Variants in ABCA13 observed in about 807,000 individuals in gnomAD.
The protein encoded by ABCA13 is ATP binding cassette subfamily A member 13.
Under a neutral mutation model 478.7 loss-of-function variants are expected in ABCA13, and 476 were observed. The observed-to-expected ratio is 0.99, with a 90% CI of 0.92 to 1.07. The LOEUF is 1.07. Ranked by LOEUF, ABCA13 falls within the 50% of genes least tolerant of loss-of-function variation. The pLI is 0.00. For missense variants in ABCA13, 6,060 were observed against 5,910.6 expected (o/e 1.03, Z -0.83); for synonymous variants, 2,252 against 2,158.9 (o/e 1.04, Z -1.20).
intron 27 of ABCA13, among the ~76,000 whole-genome samples, chr7:48,325,068 T>A (rs1372485684): frequency 1.3e-5 from 2 of 152,220 alleles, no homozygotes; most frequent in Non-Finnish European, 2.9e-5. Context: ...TTTTTTACTC[T>A]GACAATAGTT....
intron 3 of ABCA13, among the ~76,000 whole-genome samples, chr7:48,206,392 C>CTA (rs1395678121): frequency 6.6e-6 from 1 of 152,188 alleles, no homozygotes; most frequent in Non-Finnish European, 1.5e-5. Context: ...GAGCAATAGG[C>CTA]TACACCACAT....
At chr7:48,645,381 C>T in intron 61 of ABCA13, 36 bp from the exon 62 acceptor site, 1 of 1,503,340 alleles carries the variant, frequency 6.7e-7, no homozygotes, top group Non-Finnish European at 9.1e-7. Flanking sequence ...GGGTTGTATT[C>T]TTATAAGTAA....
chr7:48,572,252 A>G (rs1424402301), intron 55 of ABCA13, among the ~76,000 whole-genome samples: 2 of 152,166 alleles, frequency 1.3e-5, no homozygotes, highest in Non-Finnish European at 2.9e-5. Context: ...ACATTTTAAA[A>G]TCAGATTAAG....
chr7:48,628,434 C>T (rs1918582), intron 59 of ABCA13, among the ~76,000 whole-genome samples: 8,174 of 152,232 alleles, frequency 0.054, 305 homozygotes, highest in South Asian at 0.14. Context: ...GATGAAGCAG[C>T]CATCTTGAGC....
chr7:48,316,502 C>T (rs905289458), intron 26 of ABCA13, among the ~76,000 whole-genome samples: 2 of 152,110 alleles, frequency 1.3e-5, no homozygotes, highest in Non-Finnish European at 2.9e-5. Context: ...CTTAAGTGAA[C>T]ATAGCATGAA....
chr7:48,594,989 G>A (rs186254129), intron 58 of ABCA13, among the ~76,000 whole-genome samples, 176 bp downstream of exon 58: 3 of 152,206 alleles, frequency 2.0e-5, no homozygotes, highest in Non-Finnish European at 2.9e-5. Flanking sequence ...AGCCATGAGG[G>A]ATTACGTTAT....
chr7:48,246,163 C>G, intron 13 of ABCA13, 133 bp downstream of exon 13: 2 of 929,294 alleles, frequency 2.2e-6, no homozygotes. Flanking sequence ...AGGAAGCTGG[C>G]TCTCTGAACT....
At position 48,227,232 on chromosome 7, in the gene ABCA13, A is replaced by C. The variant is rs371062882; in HGVS notation, c.469-30A>C. 4.3e-6 allele frequency: 7 copies of C among 1,609,216 alleles called. No homozygotes were observed. The African/African-American group carries it at 9.4e-5, about 22-fold the overall frequency. On this transcript the variant is annotated intron_variant, in intron 5 of 61. Transcript: ENST00000435803. ...ACTTTATTAATAAAACTCCAGAGGGAAACTTTTGGTGTATTTTTTTTCCCA... is the reference window on the plus strand; with the variant it reads ...ACTTTATTAATAAAACTCCAGAGGGCAACTTTTGGTGTATTTTTTTTCCCA...
At chr7:48,635,058 G>A (rs916331382) in intron 59 of ABCA13, among the ~76,000 whole-genome samples, 1 of 151,920 alleles carries the variant, frequency 6.6e-6, no homozygotes, top group Non-Finnish European at 1.5e-5. Context: ...TTGCCACTGG[G>A]AGGGCTCCTT....
At chr7:48,408,296 T>A (rs1403711829) in intron 39 of ABCA13, among the ~76,000 whole-genome samples, 2 of 152,200 alleles carry the variant, frequency 1.3e-5, no homozygotes, top group African/African-American at 4.8e-5. Context: ...TGCTTCTCTT[T>A]TGGGAATTTA....
At position 48,245,674 on chromosome 7, in the gene ABCA13, A is replaced by G. The variant is rs550122797; in HGVS notation, c.1491+62A>G. 4 of 1,545,754 alleles carry G rather than the reference A, an allele frequency of 2.6e-6. No homozygotes were observed. In the South Asian group the frequency reaches 4.8e-5, roughly 19 times the overall value. On this transcript the variant is annotated intron_variant, in intron 12 of 61. Transcript: ENST00000435803. ...AATAAAACATTCAAGAAGCTCATGC[A>G]ATATTCAGTTTTGCTCCTTTTGTGA...
intron 52 of ABCA13, among the ~76,000 whole-genome samples, chr7:48,518,109 T>G (rs1227446119): frequency 1.3e-5 from 2 of 152,228 alleles, no homozygotes; most frequent in African/African-American, 4.8e-5. Flanking sequence ...ACAGATTTAT[T>G]ATTGACACTG....
chr7:48,225,922 G>A (rs1306371659), intron 5 of ABCA13, among the ~76,000 whole-genome samples: 2 of 152,018 alleles, frequency 1.3e-5, no homozygotes, highest in Admixed American at 1.3e-4. Flanking sequence ...ATATATGATA[G>A]ATTGTGAGAA....
Position 48,619,580 on chromosome 7 carries a change from C to A in ABCA13, c.14837+4203C>A, listed in dbSNP as rs554291800. 6.1e-4 allele frequency among the ~76,000 whole-genome samples: 93 copies of A among 152,334 alleles called. 1 individual carries two copies. Among genetic ancestry groups the A allele is most frequent in the Non-Finnish European group, 1.1e-3 (78 of 68,032 alleles). The stretch of plus-strand genomic sequence containing the variant: ...CAGTTTATGCCTGCTTTGGTACTCA[C>A]AAGTGCAGAGAGTGAGTCCGGCACA... On this transcript the variant is annotated intron_variant, in intron 59 of 61. Coordinates refer to ENST00000435803, the MANE Select transcript of ABCA13 (RefSeq NM_152701.5).
intron 42 of ABCA13, among the ~76,000 whole-genome samples, chr7:48,451,505 T>A (rs1825031074): frequency 2.0e-5 from 3 of 152,206 alleles, no homozygotes; most frequent in Admixed American, 2.0e-4. Flanking sequence ...ACATTATCTT[T>A]AATCTTTACT....
rs753198672 is a variant in ABCA13 at position 48,594,812 on chromosome 7, A to G, written c.14743A>G (p.Ser4915Gly). 1.9e-6 allele frequency: 3 copies of G among 1,613,310 alleles called. No homozygotes were observed. Among genetic ancestry groups the G allele is most frequent in the East Asian group, 2.2e-5 (1 of 44,880 alleles). Residue 4915 changes from serine (S) to glycine (G), a missense_variant and splice_region_variant, in exon 58 of 62, where the codon AGC (serine) becomes GGC (glycine). Around this residue, in one of 3 missense-constraint regions of ABCA13, gnomAD observed 1,627 missense variants for 1,571.0 expected, o/e 1.04. Coordinates refer to ENST00000435803, the MANE Select transcript of ABCA13 (RefSeq NM_152701.5). The stretch of plus-strand genomic sequence containing the variant: ...CTGTGCTGCGGTGCTGACCTCCCAC[A>G]GGTGAGTTCCAGTTTCTCTTGTAGC... ...EGCAAVLTSHSMEECEALCTR... is the reference protein window; with the variant it reads ...EGCAAVLTSHGMEECEALCTR...
chr7:48,623,126 T>A (rs942358357), intron 59 of ABCA13, among the ~76,000 whole-genome samples: 16 of 152,166 alleles, frequency 1.1e-4, no homozygotes, highest in African/African-American at 3.9e-4. Context: ...ACATGCAAAC[T>A]CTCGCTGCAT....
At chr7:48,500,841 C>T (rs1195046651) in intron 48 of ABCA13, among the ~76,000 whole-genome samples, 1 of 152,172 alleles carries the variant, frequency 6.6e-6, no homozygotes, top group Non-Finnish European at 1.5e-5. Flanking sequence ...TCCCCGACTT[C>T]CTCCCACCCT....
chr7:48,642,314 G>A lies in ABCA13; in HGVS notation c.14838-974G>A, dbSNP rs963521179. Among the ~76,000 whole-genome samples, 3 of 152,304 alleles carry A rather than the reference G, an allele frequency of 2.0e-5. No homozygotes were observed. In the East Asian group the frequency reaches 5.8e-4, roughly 29 times the overall value. On this transcript the variant is annotated intron_variant, in intron 59 of 61. Coordinates refer to ENST00000435803, the MANE Select transcript of ABCA13 (RefSeq NM_152701.5). ...TGAAAAATAATTTGACCATAAATCT[G>A]TTAGGGATCAGCCTCATTTAGGGGA...
Sources: gnomAD v4.1 joint callset for allele counts (sites outside exome capture counted in the v4.1 genomes callset) on GRCh38, gnomAD v4.1.1 for gene constraint, gnomAD v4.1.1 regional missense constraint, MANE v1.5 for transcripts, NCBI Gene and HGNC (gene_info 2026-07-23, HGNC 2026-07-21) for gene names.